The following PDE5A variants were observed in gnomAD, a reference collection of about 807,000 sequenced individuals.
PDE5A encodes the protein phosphodiesterase 5A.
PDE5A carries 67 observed loss-of-function variants against 110.2 expected under a neutral mutation model. That is an observed-to-expected ratio of 0.61 (90% CI 0.50 to 0.75). The LOEUF (loss-of-function observed/expected upper bound fraction) is 0.75, where lower values mean the gene tolerates loss of function less well. Ranked by LOEUF, PDE5A falls within the 30% of genes least tolerant of loss-of-function variation. The pLI is 0.00. For missense variants in PDE5A, 862 were observed against 1,045.1 expected (o/e 0.82, Z 2.42); for synonymous variants, 328 against 351.2 (o/e 0.93, Z 0.74).
intron 7 of PDE5A, among the ~76,000 whole-genome samples, chr4:119,559,143 C>T (rs918684750): frequency 6.6e-6 from 1 of 151,978 alleles, no homozygotes; most frequent in Non-Finnish European, 1.5e-5. Flanking sequence ...AGATCCTTTC[C>T]ATTTTTCCTA....
intron 3 of PDE5A, among the ~76,000 whole-genome samples, chr4:119,591,155 C>T (rs750155577): frequency 5.9e-5 from 9 of 152,206 alleles, no homozygotes; most frequent in Non-Finnish European, 1.3e-4. Flanking sequence ...TGAGTACTGG[C>T]TTTGGTCCCA....
At chr4:119,543,041 A>AACACACACACACAC (rs1343631566) in intron 9 of PDE5A, 65 of 30,878 alleles carry the variant, frequency 2.1e-3, no homozygotes, top group Middle Eastern at 0.015. Flanking sequence ...CCAGAAGTTA[A>AACACACACACACAC]ACATACACAC....
rs578154716 is a variant in PDE5A at position 119,580,736 on chromosome 4, T to G, written c.832-13592A>C. ...CTAAGCCAGCACAAGACCAAGTCAC[T>G]TTTGCTACAAAGTCAGACCTCTTTC... is the stretch of plus-strand genomic sequence containing the variant. On this transcript the variant is annotated intron_variant, in intron 3 of 20. Coordinates refer to ENST00000354960, the MANE Select transcript of PDE5A (RefSeq NM_001083.4). 2.6e-5 allele frequency among the ~76,000 whole-genome samples: 4 copies of G among 152,342 alleles called. No individual in the cohort carries two copies. The South Asian group carries it at 8.3e-4, about 32-fold the overall frequency.
chr4:119,550,932 T>A (rs1159595358), intron 9 of PDE5A, among the ~76,000 whole-genome samples: 1 of 152,190 alleles, frequency 6.6e-6, no homozygotes, highest in East Asian at 1.9e-4. Flanking sequence ...ATGTTAGAGA[T>A]CTGATCAGTG....
chr4:119,609,513 T>C (rs1224557166), intron 1 of PDE5A, among the ~76,000 whole-genome samples: 3 of 152,220 alleles, frequency 2.0e-5, no homozygotes, highest in Admixed American at 6.5e-5. Context: ...TTATGGGATG[T>C]TCCCCTAATT....
chr4:119,505,083 T>C (rs1305573699), intron 17 of PDE5A, among the ~76,000 whole-genome samples: 3 of 151,994 alleles, frequency 2.0e-5, no homozygotes, highest in African/African-American at 7.2e-5. Flanking sequence ...TTTGAATGAT[T>C]AATCATGTTT....
intron 9 of PDE5A, among the ~76,000 whole-genome samples, chr4:119,545,028 A>ACAACAG (rs1727083933): frequency 6.6e-6 from 1 of 152,046 alleles, no homozygotes; most frequent in South Asian, 2.1e-4. Flanking sequence ...AACAACAACA[A>ACAACAG]CAACAGCAAC....
At chr4:119,535,838 T>C (rs956179330) in intron 11 of PDE5A, among the ~76,000 whole-genome samples, 1 of 152,222 alleles carries the variant, frequency 6.6e-6, no homozygotes, top group African/African-American at 2.4e-5. Flanking sequence ...TAAGAATAAA[T>C]TTGTTAAAAT....
chr4:119,575,547 A>C (rs1728303762), intron 3 of PDE5A, among the ~76,000 whole-genome samples: 1 of 152,202 alleles, frequency 6.6e-6, no homozygotes, highest in Non-Finnish European at 1.5e-5. Flanking sequence ...TTCTTAAAGA[A>C]AAGAATTTTC....
chr4:119,619,616 A>C (rs959455478), intron 1 of PDE5A, among the ~76,000 whole-genome samples: 1 of 152,224 alleles, frequency 6.6e-6, no homozygotes, highest in Non-Finnish European at 1.5e-5. Flanking sequence ...TGAAATCACT[A>C]TGCTGTCAGA....
In PDE5A at chr4:119,561,764, C is replaced by T. The variant is rs75229576; in HGVS notation, c.1131+1069G>A. On this transcript the variant is annotated intron_variant, in intron 6 of 20. Coordinates refer to ENST00000354960, the MANE Select transcript of PDE5A (RefSeq NM_001083.4). Reference sequence around the variant, plus strand: ...ATGAAAATACTGATTACCTTTTAGCCTACTGAGTTCTCATTTGATATTAAT... The same window carrying T: ...ATGAAAATACTGATTACCTTTTAGCTTACTGAGTTCTCATTTGATATTAAT... 4.0e-3 allele frequency among the ~76,000 whole-genome samples: 602 copies of T among 152,126 alleles called. 2 individuals carry two copies. The highest frequency in any genetic ancestry group is 0.012 in the South Asian group (59 of 4,814).
Position 119,502,648 on chromosome 4 carries a change from TC to T in PDE5A, c.2338del (p.Glu780AsnfsTer3). 1 of 1,599,420 alleles carries T rather than the reference TC, an allele frequency of 6.3e-7. No homozygotes were observed. The highest frequency in any genetic ancestry group is 8.6e-7 in the Non-Finnish European group (1 of 1,167,402). On this transcript the variant is annotated frameshift_variant, in exon 19 of 21. Coordinates refer to ENST00000354960, the MANE Select transcript of PDE5A (RefSeq NM_001083.4). LOFTEE classifies it high-confidence loss of function. ...KPWPIQQRIA[E>X]LVATEFFDQG... ...ATCAAAAAATTCAGTTGCTACAAGTTCTGCTATCTGAAATAAATAACAGACT... is the reference window on the plus strand; with the variant it reads ...ATCAAAAAATTCAGTTGCTACAAGTTTGCTATCTGAAATAAATAACAGACT...
chr4:119,580,167 G>C (rs1728539547), intron 3 of PDE5A, among the ~76,000 whole-genome samples: 2 of 152,150 alleles, frequency 1.3e-5, no homozygotes, highest in Non-Finnish European at 2.9e-5. Flanking sequence ...ATTGATCCTA[G>C]TGTTTATCCT....
chr4:119,573,920 G>A lies in PDE5A; in HGVS notation c.832-6776C>T, dbSNP rs189483890. On this transcript the variant is annotated intron_variant, in intron 3 of 20. Coordinates refer to ENST00000354960, the MANE Select transcript of PDE5A (RefSeq NM_001083.4). ...ACCAGAAAAATTCAAATGCTAAAAA[G>A]CTTGCCATTAAAAAAAGGAGAAGGG... Among the ~76,000 whole-genome samples, 8 of 152,040 alleles carry A rather than the reference G, an allele frequency of 5.3e-5. No individual in the cohort carries two copies. The East Asian group carries it at 1.5e-3, about 29-fold the overall frequency.
intron 9 of PDE5A, chr4:119,543,041 A>AATATACACACACAC (rs1726998381): frequency 3.2e-5 from 1 of 30,910 alleles, no homozygotes; most frequent in Non-Finnish European, 6.7e-5. Context: ...CCAGAAGTTA[A>AATATACACACACAC]ACATACACAC....
At position 119,496,139 on chromosome 4, in the gene PDE5A, G is replaced by A. The variant is rs976582987; in HGVS notation, c.*2462C>T. The A allele has an allele frequency of 2.0e-5, 3 of 152,116 alleles. No individual in the cohort carries two copies. Among genetic ancestry groups the A allele is most frequent in the African/African-American group, 4.8e-5 (2 of 41,432 alleles). 9.4% of individuals were successfully genotyped at this position (152,116 alleles called of 1,614,324 possible). A position where few individuals can be genotyped will look rare whatever the true frequency, so the allele number is the denominator to read the frequency against. ...TATCTTTTAACAAGTTAGTAAAATA[G>A]TGGGGACTTTTCTGGCTAAAAATTG... On this transcript the variant is annotated 3_prime_UTR_variant, in exon 21 of 21. Transcript: ENST00000354960.
At chr4:119,625,495 T>C (rs957470510) in intron 1 of PDE5A, among the ~76,000 whole-genome samples, 15 of 152,148 alleles carry the variant, frequency 9.9e-5, no homozygotes, top group African/African-American at 3.6e-4. Flanking sequence ...TGGAAAATCA[T>C]GCATGAATGT....
intron 17 of PDE5A, among the ~76,000 whole-genome samples, chr4:119,505,599 TATATTG>T (rs1293997372): frequency 6.6e-6 from 1 of 151,952 alleles, no homozygotes; most frequent in African/African-American, 2.4e-5. Context: ...CCTATAGCCA[TATATTG>T]ATACTCTACC....
intron 9 of PDE5A, chr4:119,550,403 T>C (rs577087623): frequency 6.6e-6 from 1 of 152,350 alleles, no homozygotes; most frequent in African/African-American, 2.4e-5. Context: ...AATGTGAATT[T>C]TGAACAGATC....
Sources: allele counts gnomAD v4.1 joint callset (sites outside exome capture counted in the v4.1 genomes callset), GRCh38; gene constraint gnomAD v4.1.1; transcripts MANE v1.5; gene names NCBI Gene and HGNC (gene_info 2026-07-23, HGNC 2026-07-21).